The following MXRA5 variants were observed in gnomAD, a reference collection of about 807,000 sequenced individuals.
MXRA5 encodes the protein matrix-remodeling-associated protein 5.
MXRA5 carries 41 observed loss-of-function variants against 112.5 expected under a neutral mutation model. The ratio of observed to expected loss-of-function variants is 0.36; its 90% CI spans 0.28 to 0.47. The LOEUF is 0.47. MXRA5 is among the 20% of genes least tolerant of loss of function. The pLI is 0.99. For missense variants in MXRA5, 2,150 were observed against 2,251.0 expected (o/e 0.96, Z 0.91); for synonymous variants, 862 against 900.8 (o/e 0.96, Z 0.77).
intron 6 of MXRA5, among the ~76,000 whole-genome samples, chrX:3,314,333 G>A (rs770044327): frequency 1.4e-4 from 16 of 111,604 alleles, no homozygotes; most frequent in South Asian, 3.7e-4. Context: ...CAGTGTCCCC[G>A]GACTCCACCC....
chrX:3,316,378 GGCACAGGA>G (rs1921133823), intron 6 of MXRA5, among the ~76,000 whole-genome samples: 1 of 103,768 alleles, frequency 9.6e-6, no homozygotes, highest in African/African-American at 3.5e-5. Context: ...CACCGGGCCA[GGCACAGGA>G]GCTCAAGCCT....
chrX:3,331,609 T>C (rs772548511), intron 2 of MXRA5, among the ~76,000 whole-genome samples: 4 of 112,467 alleles, frequency 3.6e-5, no homozygotes, highest in Non-Finnish European at 7.5e-5. Context: ...TTATTTCCCA[T>C]GGACAGGCTG....
chrX:3,324,367 G>A lies in MXRA5; in HGVS notation c.1318C>T (p.Gln440Ter). 2 of 1,211,340 alleles carry A rather than the reference G, an allele frequency of 1.7e-6. No homozygotes were observed. The highest frequency in any genetic ancestry group is 2.2e-6 in the Non-Finnish European group (2 of 895,457). Reference sequence around the variant, plus strand: ...GCCGTACTCTGACGTCGGTTCAGCTGGATATCTATGGATGGCTGCATGACC... The same window carrying A: ...GCCGTACTCTGACGTCGGTTCAGCTAGATATCTATGGATGGCTGCATGACC... Reference protein sequence around the residue: ...EWVMQPSIDIQLNRRQSTAKK... With the variant: ...EWVMQPSIDI The change falls in exon 5 of 7, where the codon CAG becomes TAG. Residue 440 changes from glutamine (Q) to a stop codon, truncating the protein, a stop_gained. Transcript: ENST00000217939. LOFTEE classifies it high-confidence loss of function.
At position 3,320,269 on chromosome X, in the gene MXRA5, TATTCTGTA is replaced by T; in HGVS notation, c.5408_5415del (p.Leu1803TyrfsTer63). On this transcript the variant is annotated frameshift_variant, in exon 5 of 7. Coordinates refer to ENST00000217939, the MANE Select transcript of MXRA5 (RefSeq NM_015419.4). LOFTEE classifies it high-confidence loss of function. ...CTCTGGGTGGAAGAGACCATAGGGA[TATTCTGTA>T]AGTTAGTTGAGGGTGATCCCGTGGT... The T allele has an allele frequency of 8.3e-7, 1 of 1,211,304 alleles. No homozygotes were observed.
intron 2 of MXRA5, among the ~76,000 whole-genome samples, chrX:3,342,367 G>GTAAA (rs1922008609): frequency 9.0e-6 from 1 of 111,683 alleles, no homozygotes; most frequent in Non-Finnish European, 1.9e-5. Context: ...TTAAAGTTAA[G>GTAAA]TAAATAAATA....
intron 2 of MXRA5, 77 bp from the exon 3 acceptor site, chrX:3,330,850 G>A (rs977344424): frequency 2.7e-6 from 2 of 737,750 alleles, no homozygotes; most frequent in Admixed American, 3.9e-5. Flanking sequence ...TCCCATATGG[G>A]AAACATTCCC....
Position 3,330,009 on chromosome X carries a change from T to A in MXRA5, c.709+9A>T, listed in dbSNP as rs1921625421. Reference sequence around the variant, plus strand: ...CAGCTAGGAGTGGTCTGCTCTCCTCTCTTCTTACCTCTGGATTTTGCATCC... The same window carrying A: ...CAGCTAGGAGTGGTCTGCTCTCCTCACTTCTTACCTCTGGATTTTGCATCC... On this transcript the variant is annotated intron_variant, in intron 4 of 6. Transcript: ENST00000217939. The A allele has an allele frequency of 5.0e-6, 6 of 1,205,408 alleles. No homozygotes were observed. Among genetic ancestry groups the A allele is most frequent in the Non-Finnish European group, 6.7e-6 (6 of 892,908 alleles).
intron 4 of MXRA5, among the ~76,000 whole-genome samples, chrX:3,329,319 A>AAGAAG (rs1921596924): frequency 1.1e-5 from 1 of 88,446 alleles, no homozygotes; most frequent in Non-Finnish European, 2.2e-5. Context: ...GAAGGAAAAA[A>AAGAAG]GAAGGAAGGA....
In MXRA5 at chrX:3,317,978, C is replaced by G. The variant is rs768813028; in HGVS notation, c.5703G>C (p.Arg1901Ser). 4 of 1,200,179 alleles carry G rather than the reference C, an allele frequency of 3.3e-6. No individual in the cohort carries two copies. Among genetic ancestry groups the G allele is most frequent in the Non-Finnish European group, 4.5e-6 (4 of 889,017 alleles). ...STGALMTPNT[R>S]IQRFEVLKNG... The stretch of plus-strand genomic sequence containing the variant: ...TCTTGAGAACCTCAAACCGTTGTAT[C>G]CTGGTATTCGGAGTCATAAGAGCTC... Residue 1901 changes from arginine to serine, a missense_variant, in exon 6 of 7, where the codon AGG (arginine) becomes AGC (serine). Arg to Ser is a moderately radical substitution (Grantham distance 110). Coordinates refer to ENST00000217939, the MANE Select transcript of MXRA5 (RefSeq NM_015419.4).
chrX:3,319,902 A>T, intron 5 of MXRA5, 106 bp downstream of exon 5: 1 of 564,047 alleles, frequency 1.8e-6, no homozygotes, highest in Non-Finnish European at 2.7e-6. Context: ...AATTTCTCCT[A>T]ATGTGTTTAT....
In MXRA5 at chrX:3,321,997, G is replaced by T. The variant is rs758322877; in HGVS notation, c.3688C>A (p.Pro1230Thr). ...GGCCTCTTCCCGTGTTTTCTCCGTG[G>T]TGTTCCCTTGGATGTGGGTTCTGCA... The part of the protein sequence containing the change: ...KNAEPTSKGT[P>T]RRKHGKRPNK... Residue 1230 changes from proline to threonine, a missense_variant, in exon 5 of 7, where the codon CCA becomes ACA. Transcript: ENST00000217939. 1.7e-5 allele frequency: 21 copies of T among 1,209,621 alleles called. No homozygotes were observed. In the East Asian group the frequency reaches 6.2e-4, roughly 36 times the overall value.
rs780791013 is a variant in MXRA5 at position 3,340,216 on chromosome X, TAGA to T, written c.188+3427_188+3429del. 1.4e-4 allele frequency among the ~76,000 whole-genome samples: 16 copies of T among 112,202 alleles called. No homozygotes were observed. In the South Asian group the frequency reaches 5.6e-3, roughly 39 times the overall value. Reference sequence around the variant, plus strand: ...AACCCTAAAAACAGCTGTGTGGGAATAGAAGGTTTCATTAGCACTTGGCCAACA... The same window carrying T: ...AACCCTAAAAACAGCTGTGTGGGAATAGGTTTCATTAGCACTTGGCCAACA... On this transcript the variant is annotated intron_variant, in intron 2 of 6. Transcript: ENST00000217939.
intron 6 of MXRA5, among the ~76,000 whole-genome samples, chrX:3,312,913 T>G: frequency 8.9e-6 from 1 of 111,866 alleles, no homozygotes; most frequent in Non-Finnish European, 1.9e-5. Flanking sequence ...CTGTCATAGA[T>G]CTTTTAAAAT....
Position 3,320,061 on chromosome X carries a change from CAG to C in MXRA5, c.5622_5623del (p.Cys1875Ter). The C allele has an allele frequency of 2.5e-6, 3 of 1,209,750 alleles. No individual in the cohort carries two copies. The highest frequency in any genetic ancestry group is 3.4e-6 in the Non-Finnish European group (3 of 894,766). ...AGGCTTTGGTTTTCCTGTTGCCTCA[CAG>C]GGGAACACAGTGTCTGTCTCAGCGG... On this transcript the variant is annotated frameshift_variant, in exon 5 of 7. Coordinates refer to ENST00000217939, the MANE Select transcript of MXRA5 (RefSeq NM_015419.4). LOFTEE classifies it high-confidence loss of function.
Position 3,320,033 on chromosome X carries a change from G to A in MXRA5, c.5652C>T (p.Phe1884=), listed in dbSNP as rs750861107. Reference sequence around the variant, plus strand: ...CTGTGGAAACCTTTGTCCAAGTAACGAAAGGCTTTGGTTTTCCTGTTGCCT... The same window carrying A: ...CTGTGGAAACCTTTGTCCAAGTAACAAAAGGCTTTGGTTTTCCTGTTGCCT... ...PCEATGKPKP[F]VTWTKVSTGA... is the part of the protein sequence containing the mutation. The change falls in exon 5 of 7, where the codon TTC becomes TTT. Residue 1884 remains phenylalanine, a synonymous_variant. Coordinates refer to ENST00000217939, the MANE Select transcript of MXRA5 (RefSeq NM_015419.4). 2.8e-5 allele frequency: 33 copies of A among 1,198,512 alleles called. No individual in the cohort carries two copies. The South Asian group carries it at 5.7e-4, about 21-fold the overall frequency.
At position 3,311,052 on chromosome X, in the gene MXRA5, G is replaced by A; in HGVS notation, c.7151C>T (p.Thr2384Ile). ...PMPKVTWLSP[T>I]NKVIPTSSEK... ...AGAGGAGGTGGGGATCACCTTGTTG[G>A]TTGGGGACAACCAAGTCACCTTGGG... is the stretch of plus-strand genomic sequence containing the variant. The change falls in exon 7 of 7, where the codon ACC becomes ATC. Residue 2384 changes from threonine to isoleucine, a missense_variant. Coordinates refer to ENST00000217939, the MANE Select transcript of MXRA5 (RefSeq NM_015419.4). 1.7e-6 allele frequency: 2 copies of A among 1,211,618 alleles called. No homozygotes were observed. Among genetic ancestry groups the A allele is most frequent in the Non-Finnish European group, 2.2e-6 (2 of 895,537 alleles).
Position 3,323,264 on chromosome X carries a change from G to A in MXRA5, c.2421C>T (p.Thr807=), listed in dbSNP as rs755106809. ...KGTEVPPLIK[T]TSPPSLSLEV... is the part of the protein sequence containing the mutation. ...CTAGACTCAAGGATGGAGGACTTGT[G>A]GTTTTAATCAATGGGGGTACTTCTG... The change falls in exon 5 of 7, where the codon ACC becomes ACT. Residue 807 remains threonine (T), a synonymous_variant. Transcript: ENST00000217939. 2 of 1,209,122 alleles carry A rather than the reference G, an allele frequency of 1.7e-6. No individual in the cohort carries two copies. Among genetic ancestry groups the A allele is most frequent in the African/African-American group, 3.5e-5 (2 of 56,888 alleles).
intron 6 of MXRA5, among the ~76,000 whole-genome samples, chrX:3,315,403 A>AGATAGAT (rs1921087217): frequency 1.0e-5 from 1 of 98,229 alleles, no homozygotes; most frequent in Non-Finnish European, 2.1e-5. Flanking sequence ...ATAGATAGAT[A>AGATAGAT]GATAGATAGA....
At chrX:3,338,903 T>C in intron 2 of MXRA5, among the ~76,000 whole-genome samples, 1 of 108,535 alleles carries the variant, frequency 9.2e-6, no homozygotes, top group East Asian at 2.9e-4. Flanking sequence ...ATGATAGAGA[T>C]AGATGATAGG....
Sources: allele counts gnomAD v4.1 joint callset (sites outside exome capture counted in the v4.1 genomes callset), GRCh38; gene constraint gnomAD v4.1.1; transcripts MANE v1.5; gene names NCBI Gene and HGNC (gene_info 2026-07-23, HGNC 2026-07-21).